The following MTMR12 variants were observed in gnomAD, a reference collection of about 807,000 sequenced individuals.
MTMR12 encodes myotubularin related protein 12.
In MTMR12, 33 loss-of-function variants were observed where a neutral mutation model predicts 96.7. The ratio of observed to expected loss-of-function variants is 0.34; its 90% confidence interval spans 0.26 to 0.46. The LOEUF is 0.46. Among genes scored for constraint, MTMR12 ranks in the 20% least tolerant of loss-of-function variants. MTMR12 has a pLI of 1.00. For missense variants in MTMR12, 721 were observed against 896.1 expected (o/e 0.80, Z 2.49); for synonymous variants, 298 against 327.2 (o/e 0.91, Z 0.96).
chr5:32,301,540 A>AT lies in MTMR12; in HGVS notation c.81+11217dup, dbSNP rs111829511. On this transcript the variant is annotated intron_variant, in intron 1 of 15. Coordinates refer to ENST00000382142, the MANE Select transcript of MTMR12 (RefSeq NM_001040446.3). ...CAATTTTATGTTTGGAGGAACATAG[A>AT]TTTTTTTATTTGAAAAACAGGACTC... is the stretch of plus-strand genomic sequence containing the variant. Among the ~76,000 whole-genome samples, 663 of 152,302 alleles carry AT rather than the reference A, an allele frequency of 4.4e-3. 5 individuals are homozygous for AT. The highest frequency in any genetic ancestry group is 0.015 in the African/African-American group (629 of 41,550).
At chr5:32,305,851 C>T (rs879357536) in intron 1 of MTMR12, among the ~76,000 whole-genome samples, 13 of 150,482 alleles carry the variant, frequency 8.6e-5, no homozygotes, top group Non-Finnish European at 1.9e-4. Flanking sequence ...TGTGGTGAGC[C>T]GAGATTGCGC....
At chr5:32,275,542 G>C (rs1375656736) in intron 2 of MTMR12, among the ~76,000 whole-genome samples, 2 of 152,156 alleles carry the variant, frequency 1.3e-5, no homozygotes, top group African/African-American at 2.4e-5. Context: ...CTGCAAACAT[G>C]GCATGTTGTG....
At chr5:32,236,274 G>A (rs1037055185) in intron 13 of MTMR12, among the ~76,000 whole-genome samples, 2 of 152,260 alleles carry the variant, frequency 1.3e-5, no homozygotes, top group East Asian at 1.9e-4. Context: ...ATGGGTAGGC[G>A]CAGTGGCTCA....
intron 13 of MTMR12, among the ~76,000 whole-genome samples, chr5:32,235,497 G>A (rs970307009): frequency 2.0e-5 from 3 of 152,020 alleles, no homozygotes; most frequent in African/African-American, 7.3e-5. Context: ...TAGTAGTACT[G>A]TATTACCAAA....
chr5:32,286,215 T>C (rs1750534563), intron 1 of MTMR12, among the ~76,000 whole-genome samples: 1 of 152,150 alleles, frequency 6.6e-6, no homozygotes, highest in Non-Finnish European at 1.5e-5. Flanking sequence ...GGCATGTACC[T>C]GTAGTCCCAG....
chr5:32,306,094 G>C (rs1314800262), intron 1 of MTMR12, among the ~76,000 whole-genome samples: 1 of 152,060 alleles, frequency 6.6e-6, no homozygotes, highest in Non-Finnish European at 1.5e-5. Flanking sequence ...ACACTACTAA[G>C]GAAGTACTCT....
chr5:32,253,660 T>C (rs1408347202), intron 8 of MTMR12, among the ~76,000 whole-genome samples: 1 of 152,270 alleles, frequency 6.6e-6, no homozygotes, highest in Non-Finnish European at 1.5e-5. Flanking sequence ...TCTTACTCTG[T>C]TGCCCAGGCT....
Position 32,229,898 on chromosome 5 carries a change from G to T in MTMR12, c.2124C>A (p.Phe708Leu). Reference protein sequence around the residue: ...NSARLSSLFPFALLQRHSSKP... With the variant: ...NSARLSSLFPLALLQRHSSKP... ...TAGAGGAATGTCGCTGGAGCAGAGC[G>T]AAAGGAAACAAAGACGAGAGGCGGG... Residue 708 changes from phenylalanine to leucine, a missense_variant, in exon 16 of 16, where the codon TTC becomes TTA. Phe to Leu is a conservative substitution (Grantham distance 22). Transcript: ENST00000382142. The T allele has an allele frequency of 1.9e-6, 3 of 1,613,324 alleles. No homozygotes were observed. The highest frequency in any genetic ancestry group is 2.5e-6 in the Non-Finnish European group (3 of 1,179,506).
intron 1 of MTMR12, among the ~76,000 whole-genome samples, chr5:32,286,216 G>A (rs1487936223): frequency 2.0e-5 from 3 of 152,126 alleles, no homozygotes; most frequent in African/African-American, 4.8e-5. Context: ...GCATGTACCT[G>A]TAGTCCCAGC....
chr5:32,250,257 G>A (rs1393170977), intron 8 of MTMR12, among the ~76,000 whole-genome samples: 2 of 152,064 alleles, frequency 1.3e-5, no homozygotes, highest in African/African-American at 4.8e-5. Context: ...AAAATGAGAG[G>A]AAAACAGGCC....
Position 32,248,104 on chromosome 5 carries a change from G to GC in MTMR12, c.918dup (p.Pro307AlafsTer4). The GC allele has an allele frequency of 6.2e-7, 1 of 1,613,888 alleles. No individual in the cohort carries two copies. Among genetic ancestry groups the GC allele is most frequent in the Non-Finnish European group, 8.5e-7 (1 of 1,179,852 alleles). ...TCCGTTTTAACAATTTCATAGGGTG[G>GC]CCTGTGGATGGTCTTGTAAATTCTA... On this transcript the variant is annotated frameshift_variant, in exon 10 of 16. Coordinates refer to ENST00000382142, the MANE Select transcript of MTMR12 (RefSeq NM_001040446.3). LOFTEE classifies it high-confidence loss of function.
Position 32,242,096 on chromosome 5 carries a change from C to G in MTMR12, c.1132G>C (p.Glu378Gln). Residue 378 changes from glutamate to glutamine, a missense_variant, in exon 12 of 16, where the codon GAA becomes CAA. Transcript: ENST00000382142. Reference protein sequence around the residue: ...RCLKKAIEITECMEAQNMNVL... With the variant: ...RCLKKAIEITQCMEAQNMNVL... ...TTCATGTTTTGTGCTTCCATACATTCTGTAATCTCTATTGCTTTTTTCAGG... is the reference window on the plus strand; with the variant it reads ...TTCATGTTTTGTGCTTCCATACATTGTGTAATCTCTATTGCTTTTTTCAGG... 1 of 1,612,662 alleles carries G rather than the reference C, an allele frequency of 6.2e-7. No individual in the cohort carries two copies. Among genetic ancestry groups the G allele is most frequent in the Non-Finnish European group, 8.5e-7 (1 of 1,179,076 alleles).
intron 2 of MTMR12, among the ~76,000 whole-genome samples, chr5:32,274,914 G>C (rs1055896974): frequency 2.0e-5 from 3 of 152,030 alleles, no homozygotes; most frequent in Admixed American, 2.0e-4. Context: ...CTGCCATCTG[G>C]AAGCAGAGGA....
At chr5:32,287,710 A>C (rs944379923) in intron 1 of MTMR12, among the ~76,000 whole-genome samples, 4 of 152,156 alleles carry the variant, frequency 2.6e-5, no homozygotes, top group Non-Finnish European at 5.9e-5. Flanking sequence ...AAAAATGCTA[A>C]GGCCTCCACT....
In MTMR12 at chr5:32,312,671, G is replaced by GCGCTCCCCGC; in HGVS notation, c.81+77_81+86dup. The GCGCTCCCCGC allele has an allele frequency of 8.3e-7, 1 of 1,206,944 alleles. No homozygotes were observed. Among genetic ancestry groups the GCGCTCCCCGC allele is most frequent in the Admixed American group, 4.4e-5 (1 of 22,982 alleles). 74.8% of individuals were successfully genotyped at this position (1,206,944 alleles called of 1,614,324 possible). On this transcript the variant is annotated intron_variant, in intron 1 of 15. Coordinates refer to ENST00000382142, the MANE Select transcript of MTMR12 (RefSeq NM_001040446.3). The surrounding 1 kb of genome is among the most constrained non-coding windows in gnomAD (Gnocchi z 5.0). ...GCACAAGGGCAGGAAGCGCTCCGCG[G>GCGCTCCCCGC]CGCTCCCCGCTGCAAGGAAGGGGCT... is the stretch of plus-strand genomic sequence containing the variant.
At position 32,229,929 on chromosome 5, in the gene MTMR12, T is replaced by C. The variant is rs1045797064; in HGVS notation, c.2093A>G (p.Asn698Ser). ...AAACAAAGACGAGAGGCGGGCAGAGTTCCTCAGCAGGCAGGGGGCCTCAGC... is the reference window on the plus strand; with the variant it reads ...AAACAAAGACGAGAGGCGGGCAGAGCTCCTCAGCAGGCAGGGGGCCTCAGC... Reference protein sequence around the residue: ...PQAEAPCLLRNSARLSSLFPF... With the variant: ...PQAEAPCLLRSSARLSSLFPF... The change falls in exon 16 of 16, where the codon AAC becomes AGC. Residue 698 changes from asparagine (N) to serine (S), a missense_variant. Coordinates refer to ENST00000382142, the MANE Select transcript of MTMR12 (RefSeq NM_001040446.3). 2 of 1,612,388 alleles carry C rather than the reference T, an allele frequency of 1.2e-6. No homozygotes were observed. Among genetic ancestry groups the C allele is most frequent in the South Asian group, 1.1e-5 (1 of 90,846 alleles).
rs1162614288 is a variant in MTMR12, at chr5:32,228,519, ATATATCATATATATGATAT to A, written c.*1240_*1258del. The A allele has an allele frequency of 2.4e-4, 26 of 109,950 alleles. No individual in the cohort carries two copies. The highest frequency in any genetic ancestry group is 8.0e-4 in the African/African-American group (26 of 32,542). 6.8% of individuals were successfully genotyped at this position (109,950 alleles called of 1,614,324 possible). ...TATACTTTCCTGCATTAAAAAAAAT[ATATATCATATATATGATAT>A]ATATATCATATATATGTGATATATA... is the stretch of plus-strand genomic sequence containing the variant. On this transcript the variant is annotated 3_prime_UTR_variant, in exon 16 of 16. Transcript: ENST00000382142.
chr5:32,273,261 G>A (rs867005217), intron 3 of MTMR12, among the ~76,000 whole-genome samples: 37 of 152,122 alleles, frequency 2.4e-4, no homozygotes, highest in Admixed American at 2.2e-3. Flanking sequence ...TTAGCCAGGC[G>A]TGAATGTCAC....
At chr5:32,275,811 C>G (rs1191462358) in intron 2 of MTMR12, among the ~76,000 whole-genome samples, 1 of 151,952 alleles carries the variant, frequency 6.6e-6, no homozygotes, top group Non-Finnish European at 1.5e-5. Flanking sequence ...TAAGTCATCA[C>G]TATAGAAAAA....
Sources: gnomAD v4.1 joint callset for allele counts (sites outside exome capture counted in the v4.1 genomes callset) on GRCh38, gnomAD v4.1.1 for gene constraint, Gnocchi (gnomAD v3.1) non-coding constraint, MANE v1.5 for transcripts, NCBI Gene and HGNC (gene_info 2026-07-23, HGNC 2026-07-21) for gene names.